PZP: variants seen among roughly 807,000 people sequenced by gnomAD.
The protein encoded by PZP is pregnancy zone protein.
A neutral mutation model predicts 179.8 loss-of-function variants in PZP; 150 were observed. That is an observed-to-expected ratio of 0.83 (90% CI 0.73 to 0.96). The LOEUF is 0.96. Among genes scored for constraint, PZP ranks in the 40% least tolerant of loss-of-function variants. The pLI, the probability that PZP is intolerant of heterozygous loss-of-function variation, is 0.00. For synonymous variants in PZP, 624 were observed against 652.3 expected, an observed-to-expected ratio of 0.96 and a Z score of 0.66; for missense variants, 1,689 against 1,764.0, an observed-to-expected ratio of 0.96 and a Z score of 0.76.
At position 9,161,034 on chromosome 12, in the gene PZP, C is replaced by A; in HGVS notation, c.2871G>T (p.Leu957=). Residue 957 remains leucine (L), a splice_region_variant and synonymous_variant, in exon 23 of 36, where the codon CTG becomes CTT. Transcript: ENST00000261336. ...TTTACTAAATGGAAGGTGACTCACC[C>A]AGAACTGAGAAAGAAGCTCTGGCAG... ...KESARASFSV[L]GDILGSAMQN... The A allele has an allele frequency of 3.2e-6, 5 of 1,579,000 alleles. No homozygotes were observed. Among genetic ancestry groups the A allele is most frequent in the Non-Finnish European group, 4.4e-6 (5 of 1,148,130 alleles).
the PZP span, among the ~76,000 whole-genome samples, chr12:9,141,238 A>G: frequency 6.6e-6 from 1 of 152,220 alleles, no homozygotes; most frequent in African/African-American, 2.4e-5. Context: ...CCAATAACAT[A>G]TGTATGCAAA....
At chr12:9,177,766 ACACT>A (rs1942488814) in intron 15 of PZP, among the ~76,000 whole-genome samples, 1 of 152,190 alleles carries the variant, frequency 6.6e-6, no homozygotes, top group Non-Finnish European at 1.5e-5. Flanking sequence ...CACTTCCACA[ACACT>A]CAAAGTTTAC....
chr12:9,163,235 G>A (rs1404397382), intron 21 of PZP, among the ~76,000 whole-genome samples: 3 of 150,320 alleles, frequency 2.0e-5, no homozygotes, highest in Non-Finnish European at 4.4e-5. Context: ...GGAGGATCAC[G>A]AGGTCAGGAG....
At chr12:9,140,264 A>G in the PZP span, among the ~76,000 whole-genome samples, 45 of 151,742 alleles carry the variant, frequency 3.0e-4, no homozygotes, top group East Asian at 6.8e-3. Flanking sequence ...GCATAGTAGT[A>G]GGGGGGGGCC....
rs115497306 is a variant in PZP at position 9,192,280 on chromosome 12, A to T, written c.1483-24T>A. 1.0e-4 allele frequency: 165 copies of T among 1,609,566 alleles called. No individual in the cohort carries two copies. In the African/African-American group the frequency reaches 2.0e-3, roughly 20 times the overall value. ...ATCTGAAATGAAAAAACAGTGAAGG[A>T]AATTTCTTGAGCTGGACACAGTTCT... is the stretch of plus-strand genomic sequence containing the variant. On this transcript the variant is annotated intron_variant, in intron 12 of 35. Coordinates refer to ENST00000261336, the MANE Select transcript of PZP (RefSeq NM_002864.3).
chr12:9,160,623 TC>T, intron 23 of PZP, 133 bp from the exon 24 acceptor site: 1 of 814,572 alleles, frequency 1.2e-6, no homozygotes, highest in African/African-American at 1.7e-5. Context: ...GAGTGTGACT[TC>T]CAGAATCCTA....
chr12:9,207,131 TGAA>T (rs2121266035), intron 1 of PZP, among the ~76,000 whole-genome samples: 1 of 152,288 alleles, frequency 6.6e-6, no homozygotes, highest in African/African-American at 2.4e-5. Flanking sequence ...CGCTTTGGCC[TGAA>T]GAAGGCTATT....
chr12:9,186,672 TA>T (rs1275931982), intron 13 of PZP, among the ~76,000 whole-genome samples: 2 of 151,800 alleles, frequency 1.3e-5, no homozygotes, highest in East Asian at 3.9e-4. Context: ...TATGCAGCCA[TA>T]AAAAAGGATG....
chr12:9,149,160 A>G (rs761393985), intron 35 of PZP, among the ~76,000 whole-genome samples, 166 bp from the exon 36 acceptor site: 3 of 152,356 alleles, frequency 2.0e-5, no homozygotes, highest in Admixed American at 6.5e-5. Flanking sequence ...ACTAATCAGC[A>G]CACAAAGGCA....
At chr12:9,177,119 G>A (rs1011162870) in intron 15 of PZP, among the ~76,000 whole-genome samples, 4 of 152,132 alleles carry the variant, frequency 2.6e-5, no homozygotes, top group African/African-American at 9.7e-5. Flanking sequence ...ATTGTTCGTC[G>A]CACAATGAAT....
intron 10 of PZP, among the ~76,000 whole-genome samples, chr12:9,194,707 G>A (rs1316369318): frequency 6.6e-6 from 1 of 152,010 alleles, no homozygotes; most frequent in African/African-American, 2.4e-5. Context: ...CTCGTGATCT[G>A]CCCGCCTCGG....
chr12:9,164,534 T>C (rs1398928812), intron 19 of PZP, among the ~76,000 whole-genome samples: 1 of 152,244 alleles, frequency 6.6e-6, no homozygotes, highest in Non-Finnish European at 1.5e-5. Context: ...AGTGATTGTA[T>C]ATTGCCCTAG....
In PZP at chr12:9,200,361, C is replaced by G. The variant is rs760800548; in HGVS notation, c.755+3G>C. The G allele has an allele frequency of 1.3e-5, 21 of 1,582,846 alleles. No homozygotes were observed. In the Middle Eastern group the frequency reaches 5.0e-4, roughly 38 times the overall value. On this transcript the variant is annotated splice_donor_region_variant and intron_variant, in intron 7 of 35. Coordinates refer to ENST00000261336, the MANE Select transcript of PZP (RefSeq NM_002864.3). ...AATTTTAGATAAAAACAATGTAACT[C>G]ACTCTCCACAGACTGTTATGTTCAC... is the stretch of plus-strand genomic sequence containing the variant.
intron 10 of PZP, among the ~76,000 whole-genome samples, chr12:9,194,548 TC>T (rs1392282952): frequency 1.4e-5 from 2 of 146,042 alleles, no homozygotes; most frequent in Non-Finnish European, 3.0e-5. Context: ...CACTGCAAGC[TC>T]TGCCTCCTGG....
At chr12:9,159,453 A>C (rs764775241) in intron 25 of PZP, among the ~76,000 whole-genome samples, 1 of 152,158 alleles carries the variant, frequency 6.6e-6, no homozygotes, top group African/African-American at 2.4e-5. Flanking sequence ...ACTCATGTTA[A>C]AACTTAATCC....
intron 22 of PZP, 22 bp from the exon 23 acceptor site, chr12:9,161,138 G>A (rs1364736765): frequency 6.7e-7 from 1 of 1,497,206 alleles, no homozygotes; most frequent in East Asian, 2.3e-5. Flanking sequence ...GACAGCCCAT[G>A]TTAAAGGAGG....
intron 13 of PZP, among the ~76,000 whole-genome samples, chr12:9,186,010 G>A (rs749555891): frequency 6.6e-6 from 1 of 151,986 alleles, no homozygotes; most frequent in African/African-American, 2.4e-5. Context: ...GTTTCACCAT[G>A]TTGGCCAGGA....
rs1943771706 is a variant in PZP, at chr12:9,196,346, A to G, written c.1076T>C (p.Ile359Thr). 6.2e-7 allele frequency: 1 copy of G among 1,610,204 alleles called. No homozygotes were observed. The highest frequency in any genetic ancestry group is 2.2e-5 in the East Asian group (1 of 44,836). Residue 359 changes from isoleucine (I) to threonine (T), a missense_variant, in exon 10 of 36, where the codon ATC (isoleucine) becomes ACC (threonine). Ile to Thr is a moderately conservative substitution (Grantham distance 89). Transcript: ENST00000261336. The stretch of plus-strand genomic sequence containing the variant: ...ATATCTTACCTGTGCAAAAAAGGGG[A>G]TTCCTTGTCTAAAGTGTGAATCCAC... ...VKVDSHFRQG[I>T]PFFAQVLLVD...
chr12:9,178,018 A>G (rs985506293), intron 15 of PZP, among the ~76,000 whole-genome samples: 2 of 152,212 alleles, frequency 1.3e-5, no homozygotes, highest in African/African-American at 2.4e-5. Flanking sequence ...ATACAGAAAT[A>G]TAGTCATTGT....
Sources: gnomAD v4.1 joint callset for allele counts (sites outside exome capture counted in the v4.1 genomes callset) on GRCh38, gnomAD v4.1.1 for gene constraint, MANE v1.5 for transcripts, NCBI Gene and HGNC (gene_info 2026-07-23, HGNC 2026-07-21) for gene names.